NPTN: variants seen among roughly 807,000 people sequenced by gnomAD.
The protein encoded by NPTN is SDR-1.
A neutral mutation model predicts 42.7 loss-of-function variants in NPTN; 5 were observed. The ratio of observed to expected loss-of-function variants is 0.12; its 90% confidence interval spans 0.06 to 0.25. The LOEUF (loss-of-function observed/expected upper bound fraction) is 0.25. NPTN is among the 10% of genes least tolerant of loss of function. The pLI is 1.00. For synonymous variants in NPTN, 180 were observed against 201.9 expected, an observed-to-expected ratio of 0.89 and a Z score of 0.92; for missense variants, 307 against 525.4, an observed-to-expected ratio of 0.58 and a Z score of 4.06.
Position 73,568,865 on chromosome 15 carries a change from T to C in NPTN, c.1114+1285A>G, listed in dbSNP as rs539046579. ...TACTTACTGCAGGCAGAGAGATTTA[T>C]AACTGCTGAGAAGAAAGGAAAAGAT... On this transcript the variant is annotated intron_variant, in intron 6 of 8. Coordinates refer to ENST00000345330, the MANE Select transcript of NPTN (RefSeq NM_012428.4). The C allele has an allele frequency of 9.1e-6, 9 of 985,526 alleles. No homozygotes were observed. In the African/African-American group the frequency reaches 1.4e-4, roughly 15 times the overall value. 61.0% of individuals were successfully genotyped at this position (985,526 alleles called of 1,614,324 possible).
At chr15:73,629,763 C>G (rs1898633275) in intron 1 of NPTN, among the ~76,000 whole-genome samples, 1 of 151,850 alleles carries the variant, frequency 6.6e-6, no homozygotes, top group Non-Finnish European at 1.5e-5. Flanking sequence ...GGGTACCACA[C>G]TCTATTTCTC....
intron 4 of NPTN, among the ~76,000 whole-genome samples, chr15:73,584,323 A>T (rs1896206770): frequency 1.3e-5 from 2 of 152,164 alleles, no homozygotes; most frequent in South Asian, 4.1e-4. Flanking sequence ...GAGTCATGAG[A>T]GCAATTTTTT....
chr15:73,577,060 C>A (rs1393426145), intron 4 of NPTN, among the ~76,000 whole-genome samples: 1 of 152,160 alleles, frequency 6.6e-6, no homozygotes, highest in Non-Finnish European at 1.5e-5. Context: ...CAAACTAATG[C>A]TTTCAAATCT....
intron 1 of NPTN, among the ~76,000 whole-genome samples, chr15:73,600,268 A>G (rs1897021629): frequency 5.3e-5 from 8 of 152,234 alleles, no homozygotes; most frequent in Admixed American, 5.2e-4. Flanking sequence ...TATAGGATGT[A>G]TATTTAAATG....
At chr15:73,596,934 T>C (rs1896861183) in intron 2 of NPTN, 88 bp downstream of exon 2, 1 of 1,082,642 alleles carries the variant, frequency 9.2e-7, no homozygotes, top group South Asian at 1.6e-5. Flanking sequence ...GTGATCATAC[T>C]GGGGAAGAGG....
intron 4 of NPTN, among the ~76,000 whole-genome samples, chr15:73,579,137 G>A (rs1895857577): frequency 1.3e-5 from 2 of 151,826 alleles, no homozygotes; most frequent in Admixed American, 1.3e-4. Flanking sequence ...AAATTAGCCA[G>A]GCACGGTGGC....
intron 1 of NPTN, chr15:73,599,619 A>G (rs1896993724): frequency 6.6e-6 from 1 of 151,272 alleles, no homozygotes; most frequent in South Asian, 2.1e-4. Context: ...GTCAAAAAAA[A>G]AAAAAGAAAG....
intron 6 of NPTN, chr15:73,566,980 G>C (rs1483934622): frequency 2.1e-6 from 2 of 941,258 alleles, no homozygotes; most frequent in African/African-American, 3.7e-5. Context: ...TACTCCAGTA[G>C]GTAAAGAAAA....
intron 1 of NPTN, among the ~76,000 whole-genome samples, chr15:73,603,563 G>C (rs1595943487): frequency 6.6e-6 from 1 of 152,048 alleles, no homozygotes; most frequent in African/African-American, 2.4e-5. Flanking sequence ...CAAGGAATTA[G>C]CAAGTGTTTT....
At chr15:73,580,352 T>C (rs1191860467) in intron 4 of NPTN, among the ~76,000 whole-genome samples, 2 of 147,196 alleles carry the variant, frequency 1.4e-5, no homozygotes, top group African/African-American at 5.1e-5. Flanking sequence ...ACCTGCACGT[T>C]CTGTACATAT....
In NPTN at chr15:73,560,136, C is replaced by CCGTT. The variant is rs1223850183; in HGVS notation, c.*923_*926dup. On this transcript the variant is annotated 3_prime_UTR_variant, in exon 9 of 9. Coordinates refer to ENST00000345330, the MANE Select transcript of NPTN (RefSeq NM_012428.4). The stretch of plus-strand genomic sequence containing the variant: ...TCTACAATTACGCACCGCATGAGAA[C>CCGTT]CGTTAGGTTATAAAATCTATCATCA... 5.1e-6 allele frequency: 2 copies of CCGTT among 393,590 alleles called. No individual in the cohort carries two copies. Among genetic ancestry groups the CCGTT allele is most frequent in the Non-Finnish European group, 8.9e-6 (2 of 224,928 alleles). The allele number at this position is 393,590 out of a possible 1,614,324, so 24.4% of individuals were successfully genotyped here.
chr15:73,626,305 C>T (rs377470449), intron 1 of NPTN, among the ~76,000 whole-genome samples: 6 of 152,258 alleles, frequency 3.9e-5, no homozygotes, highest in African/African-American at 1.4e-4. Flanking sequence ...GGTTCTGCCT[C>T]CCTTGAAACA....
chr15:73,592,509 G>A (rs950248383), intron 2 of NPTN, among the ~76,000 whole-genome samples: 1 of 152,070 alleles, frequency 6.6e-6, no homozygotes, highest in African/African-American at 2.4e-5. Flanking sequence ...GAAGACAAAG[G>A]CCATATCATT....
chr15:73,564,148 CAGAG>C (rs893446939), intron 6 of NPTN, among the ~76,000 whole-genome samples: 1 of 152,286 alleles, frequency 6.6e-6, no homozygotes, highest in African/African-American at 2.4e-5. Context: ...TACACATTCA[CAGAG>C]AGAGAATGTT....
At chr15:73,561,144 C>T (rs545469477) in intron 8 of NPTN, 96 bp from the exon 9 acceptor site, 4 of 152,376 alleles carry the variant, frequency 2.6e-5, no homozygotes, top group South Asian at 4.1e-4. Context: ...TCAAACAGCA[C>T]GCTCAGGGAT....
At chr15:73,561,576 A>C (rs1157397257) in intron 8 of NPTN, among the ~76,000 whole-genome samples, 1 of 152,080 alleles carries the variant, frequency 6.6e-6, no homozygotes, top group Non-Finnish European at 1.5e-5. Context: ...GCTACTTAGG[A>C]GGCTGGGGCA....
Position 73,569,263 on chromosome 15 carries a change from G to C in NPTN, c.1114+887C>G. On this transcript the variant is annotated intron_variant, in intron 6 of 8. Coordinates refer to ENST00000345330, the MANE Select transcript of NPTN (RefSeq NM_012428.4). The surrounding 1 kb of genome is among the most constrained non-coding windows in gnomAD (Gnocchi z 4.1). ...GGAACCTGAAGTACTGCAGATACAA[G>C]TCTCCATCAGCAGCTTCCCCCTTCA... 1 of 985,518 alleles carries C rather than the reference G, an allele frequency of 1.0e-6. No individual in the cohort carries two copies. The highest frequency in any genetic ancestry group is 1.2e-6 in the Non-Finnish European group (1 of 829,990). 61.0% of individuals were successfully genotyped at this position (985,518 alleles called of 1,614,324 possible).
chr15:73,596,963 A>T, intron 2 of NPTN, 59 bp downstream of exon 2: 2 of 1,360,284 alleles, frequency 1.5e-6, no homozygotes, highest in Non-Finnish European at 2.0e-6. Flanking sequence ...GCAGAAGGGA[A>T]GGGTCATTGG....
At chr15:73,598,121 C>A (rs1896912273) in intron 1 of NPTN, among the ~76,000 whole-genome samples, 1 of 152,162 alleles carries the variant, frequency 6.6e-6, no homozygotes, top group South Asian at 2.1e-4. Context: ...GATATTAATA[C>A]TTTGTGGGTC....
Sources: allele counts gnomAD v4.1 joint callset (sites outside exome capture counted in the v4.1 genomes callset), GRCh38; gene constraint gnomAD v4.1.1; non-coding constraint Gnocchi (gnomAD v3.1); transcripts MANE v1.5; gene names NCBI Gene and HGNC (gene_info 2026-07-23, HGNC 2026-07-21).